The following PTPRH variants were observed in gnomAD, a reference collection of about 807,000 sequenced individuals.
PTPRH encodes protein tyrosine phosphatase receptor type H, also known as receptor-type tyrosine-protein phosphatase H.
PTPRH carries 113 observed loss-of-function variants against 130.2 expected under a neutral mutation model. That is an observed-to-expected ratio of 0.87 (90% CI 0.75 to 1.01). PTPRH has a LOEUF of 1.01. PTPRH is among the 50% of genes least tolerant of loss of function. The pLI, the probability that PTPRH is intolerant of heterozygous loss-of-function variation, is 0.00. For missense variants in PTPRH, 1,430 were observed against 1,425.0 expected, an observed-to-expected ratio of 1.00 and a Z score of -0.06; for synonymous variants, 556 against 577.9, an observed-to-expected ratio of 0.96 and a Z score of 0.54.
chr19:55,194,354 A>AGACTTGGCCTCACAGAATG, intron 10 of PTPRH: 1 of 1,232,190 alleles, frequency 8.1e-7, no homozygotes, highest in South Asian at 1.4e-5. Context: ...CCTGTACGGG[A>AGACTTGGCCTCACAGAATG]GACTTGGCCT....
intron 18 of PTPRH, among the ~76,000 whole-genome samples, chr19:55,183,133 C>T (rs959631479): frequency 2.2e-4 from 32 of 148,306 alleles, no homozygotes; most frequent in African/African-American, 6.2e-4. Context: ...CAGTGGCTCA[C>T]GCCTGTAATC....
At chr19:55,185,389 C>T in intron 18 of PTPRH, 113 bp downstream of exon 18, 1 of 1,172,752 alleles carries the variant, frequency 8.5e-7, no homozygotes, top group South Asian at 1.6e-5. Context: ...TCCACCTCCT[C>T]CTTCTCTCCC....
chr19:55,191,760 G>T lies in PTPRH; in HGVS notation c.2258-19C>A. The T allele has an allele frequency of 6.2e-7, 1 of 1,603,478 alleles. No homozygotes were observed. Among genetic ancestry groups the T allele is most frequent in the Non-Finnish European group, 8.5e-7 (1 of 1,170,998 alleles). On this transcript the variant is annotated intron_variant, in intron 10 of 19. Coordinates refer to ENST00000376350, the MANE Select transcript of PTPRH (RefSeq NM_002842.5). ...ATGACCCCTGTGGGGAGGAGGCATC[G>T]GGAACCCTCAGAGCGCAGGTCTGAG...
Position 55,181,810 on chromosome 19 carries a change from C to T in PTPRH, c.3292G>A (p.Glu1098Lys), listed in dbSNP as rs200030466. 5 of 1,614,164 alleles carry T rather than the reference C, an allele frequency of 3.1e-6. No individual in the cohort carries two copies. Among genetic ancestry groups the T allele is most frequent in the African/African-American group, 1.3e-5 (1 of 75,046 alleles). ...GCCACGTTCTCGTAGATGAGGTTTT[C>T]GACATCCTCATACGGGACTTCCTTC... ...AEKEVPYEDVENLIYENVAAI... is the reference protein window; with the variant it reads ...AEKEVPYEDVKNLIYENVAAI... The change falls in exon 20 of 20, where the codon GAA becomes AAA. Residue 1098 changes from glutamate to lysine, a missense_variant. By Grantham distance (56) the Glu-to-Lys change is moderately conservative. Coordinates refer to ENST00000376350, the MANE Select transcript of PTPRH (RefSeq NM_002842.5).
rs761161533 is a variant in PTPRH, at chr19:55,200,243, G to C, written c.1413C>G (p.Ile471Met). ...GARGSRQNVS[I>M]STVPNAVTSL... ...GCCGTTGAGGGTTCCTACCTGTGGAGATGCTGACATTCTGCCTGGAGCCAC... is the reference window on the plus strand; with the variant it reads ...GCCGTTGAGGGTTCCTACCTGTGGACATGCTGACATTCTGCCTGGAGCCAC... Residue 471 changes from isoleucine (I) to methionine (M), a missense_variant, in exon 7 of 20, where the codon ATC (isoleucine) becomes ATG (methionine). Ile to Met is a conservative substitution (Grantham distance 10). Transcript: ENST00000376350. The C allele has an allele frequency of 6.2e-7, 1 of 1,614,246 alleles. No individual in the cohort carries two copies. Among genetic ancestry groups the C allele is most frequent in the South Asian group, 1.1e-5 (1 of 91,086 alleles).
chr19:55,185,811 C>T (rs751042185), intron 17 of PTPRH, 51 bp downstream of exon 17: 1 of 1,613,134 alleles, frequency 6.2e-7, no homozygotes, highest in Non-Finnish European at 8.5e-7. Context: ...GGATGCATGG[C>T]ATATGTCACA....
chr19:55,200,611 T>C, intron 6 of PTPRH, 109 bp from the exon 7 acceptor site: 2 of 1,181,050 alleles, frequency 1.7e-6, no homozygotes, highest in Non-Finnish European at 2.4e-6. Context: ...CAACTGCTGG[T>C]GCCAGCAGAT....
Position 55,186,464 on chromosome 19 carries a change from G to A in PTPRH, c.2643C>T (p.Pro881=), listed in dbSNP as rs779280991. Residue 881 remains proline (P), a splice_region_variant and synonymous_variant, in exon 15 of 20, where the codon CCC becomes CCT. Transcript: ENST00000376350. ...GSDYINASFM[P]GLWSPQEFIA... is the part of the protein sequence containing the mutation. The stretch of plus-strand genomic sequence containing the variant: ...CTTTCAATCCCAACCACGACCTTAC[G>A]GGCATGAAGCTGGCATTGATGTAGT... 9.7e-5 allele frequency: 156 copies of A among 1,608,688 alleles called. No homozygotes were observed. The highest frequency in any genetic ancestry group is 2.3e-4 in the South Asian group (21 of 90,716).
intron 3 of PTPRH, 132 bp downstream of exon 3, chr19:55,206,557 T>G: frequency 2.1e-6 from 2 of 958,368 alleles, no homozygotes; most frequent in African/African-American, 3.4e-5. Context: ...GATAGAAAAT[T>G]GAAATTCTCA....
rs190080254 is a variant in PTPRH at position 55,191,658 on chromosome 19, C to T, written c.2336+5G>A. 2.9e-3 allele frequency: 4,602 copies of T among 1,613,880 alleles called. 16 individuals are homozygous for T. Among genetic ancestry groups the T allele is most frequent in the Non-Finnish European group, 3.5e-3 (4,085 of 1,179,778 alleles). ...CCAGGCGGTCAGCCCTGTGCTGAGT[C>T]TCACCTCCTCTTCAGGAAGAAAATC... On this transcript the variant is annotated splice_donor_5th_base_variant and intron_variant, in intron 11 of 19. Coordinates refer to ENST00000376350, the MANE Select transcript of PTPRH (RefSeq NM_002842.5).
At chr19:55,199,937 AAAGGAAGG>A (rs1769837415) in intron 7 of PTPRH, among the ~76,000 whole-genome samples, 1 of 151,574 alleles carries the variant, frequency 6.6e-6, no homozygotes, top group African/African-American at 2.4e-5. Flanking sequence ...AGAAAGCGAG[AAAGGAAGG>A]AAGAAAGGAA....
At position 55,207,092 on chromosome 19, in the gene PTPRH, A is replaced by AC. The variant is rs1237928089; in HGVS notation, c.85+73dup. On this transcript the variant is annotated intron_variant, in intron 2 of 19. Coordinates refer to ENST00000376350, the MANE Select transcript of PTPRH (RefSeq NM_002842.5). ...CCATGGACCACTGGACCCCACGGGGACCCCCCAGAGGCTCACGGCAGTTGC... is the reference window on the plus strand; with the variant it reads ...CCATGGACCACTGGACCCCACGGGGACCCCCCCAGAGGCTCACGGCAGTTGC... 6.3e-6 allele frequency: 10 copies of AC among 1,593,740 alleles called. No individual in the cohort carries two copies. In the East Asian group the frequency reaches 1.3e-4, roughly 22 times the overall value.
chr19:55,205,215 G>A (rs1372432835), intron 4 of PTPRH, 111 bp downstream of exon 4: 7 of 1,508,194 alleles, frequency 4.6e-6, no homozygotes, highest in Non-Finnish European at 5.4e-6. Context: ...GTGGACATGA[G>A]TACCTGGCTC....
In PTPRH at chr19:55,203,822, G is replaced by A. The variant is rs767275886; in HGVS notation, c.846C>T (p.Asp282=). The change falls in exon 5 of 20, where the codon GAC becomes GAT. Residue 282 remains aspartate, a synonymous_variant. Coordinates refer to ENST00000376350, the MANE Select transcript of PTPRH (RefSeq NM_002842.5). The stretch of plus-strand genomic sequence containing the variant: ...CAATCTCCACAGAGCTATTTACTCC[G>A]TCTTTCTCCACCCACACAGAACACG... ...LYTCSVWVEK[D]GVNSSVEIVT... 1.9e-5 allele frequency: 30 copies of A among 1,613,336 alleles called. No individual in the cohort carries two copies. Among genetic ancestry groups the A allele is most frequent in the Admixed American group, 6.7e-5 (4 of 59,970 alleles).
At chr19:55,196,329 A>G (rs2147489722) in intron 10 of PTPRH, among the ~76,000 whole-genome samples, 193 bp downstream of exon 10, 1 of 152,316 alleles carries the variant, frequency 6.6e-6, no homozygotes, top group African/African-American at 2.4e-5. Flanking sequence ...CAGAGGTTGC[A>G]ATGAGCCAAG....
Position 55,191,714 on chromosome 19 carries a change from A to T in PTPRH, c.2285T>A (p.Ile762Asn). The T allele has an allele frequency of 6.2e-7, 1 of 1,614,092 alleles. No individual in the cohort carries two copies. Among genetic ancestry groups the T allele is most frequent in the Non-Finnish European group, 8.5e-7 (1 of 1,180,000 alleles). The part of the protein sequence containing the change: ...AGVIAGAFVG[I>N]LLFLILVGLL... ...GCCCACGAGGATGAGAAACAGGAGG[A>T]TGCCCACAAAGGCTCCGGCAATGAC... The change falls in exon 11 of 20, where the codon ATC becomes AAC. Residue 762 changes from isoleucine (I) to asparagine (N), a missense_variant. Coordinates refer to ENST00000376350, the MANE Select transcript of PTPRH (RefSeq NM_002842.5).
At chr19:55,207,108 C>T (rs930434108) in intron 2 of PTPRH, 58 bp downstream of exon 2, 12 of 1,607,010 alleles carry the variant, frequency 7.5e-6, no homozygotes, top group South Asian at 3.3e-5. Context: ...CAGAGGCTCA[C>T]GGCAGTTGCG....
At chr19:55,187,328 G>C (rs374158052) in intron 14 of PTPRH, among the ~76,000 whole-genome samples, 185 bp downstream of exon 14, 1,045 of 104,028 alleles carry the variant, frequency 0.01, 25 homozygotes, top group African/African-American at 0.041. Flanking sequence ...CTGGGTGACA[G>C]AGCGAGACTC....
chr19:55,197,819 G>A (rs919994838), intron 8 of PTPRH, among the ~76,000 whole-genome samples: 7 of 152,104 alleles, frequency 4.6e-5, no homozygotes, highest in African/African-American at 1.4e-4. Flanking sequence ...CTTTCCCACA[G>A]GAACCCCAGG....
Sources: gnomAD v4.1 joint callset for allele counts (sites outside exome capture counted in the v4.1 genomes callset) on GRCh38, gnomAD v4.1.1 for gene constraint, MANE v1.5 for transcripts, NCBI Gene and HGNC (gene_info 2026-07-23, HGNC 2026-07-21) for gene names.